Variants in ESRRB observed in about 807,000 individuals in gnomAD.
ESRRB encodes the protein steroid hormone receptor ERR2.
In ESRRB, 16 loss-of-function variants were observed where a neutral mutation model predicts 46.0. That is an observed-to-expected ratio of 0.35 (90% CI 0.24 to 0.53). ESRRB has a LOEUF of 0.53. Ranked by LOEUF, ESRRB falls within the 20% of genes least tolerant of loss-of-function variation. The probability of loss-of-function intolerance (pLI) is 0.93; values close to 1 mark genes in which losing one functional copy is unlikely to be tolerated. For synonymous variants in ESRRB, 246 were observed against 259.6 expected, an observed-to-expected ratio of 0.95 and a Z score of 0.50; for missense variants, 488 against 607.4, an observed-to-expected ratio of 0.80 and a Z score of 2.07.
intron 2 of ESRRB, among the ~76,000 whole-genome samples, chr14:76,443,801 G>A (rs1888018078): frequency 6.6e-6 from 1 of 152,212 alleles, no homozygotes; most frequent in African/African-American, 2.4e-5. Context: ...GAGTCCACAT[G>A]AAAGATTCGT....
Position 76,347,414 on chromosome 14 carries a change from A to AGTGT in ESRRB, c.2+36515_2+36518dup, listed in dbSNP as rs34971102. On this transcript the variant is annotated intron_variant, in intron 1 of 6. Transcript: ENST00000512784. ...AAATGGGGACAGTATTTGCTCATGA[A>AGTGT]GTGTGTGTGTGTGTGTGTGTCACAC... Among the ~76,000 whole-genome samples the AGTGT allele has an allele frequency of 8.0e-3, 767 of 96,200 alleles. 169 individuals are homozygous for AGTGT. Among genetic ancestry groups the AGTGT allele is most frequent in the African/African-American group, 0.019 (539 of 28,034 alleles). The allele number at this position is 96,200 out of a possible 152,430, so 63.1% of individuals were successfully genotyped here. A position where few individuals can be genotyped will look rare whatever the true frequency, so the allele number is the denominator to read the frequency against.
intron 1 of ESRRB, among the ~76,000 whole-genome samples, chr14:76,326,273 TGTCCCA>T (rs1464279157): frequency 6.6e-6 from 1 of 152,198 alleles, no homozygotes; most frequent in African/African-American, 2.4e-5. Context: ...GATGCAATGA[TGTCCCA>T]GTGCTGAAGT....
At chr14:76,403,727 A>G (rs1466128187) in intron 1 of ESRRB, among the ~76,000 whole-genome samples, 2 of 149,690 alleles carry the variant, frequency 1.3e-5, no homozygotes, top group Admixed American at 6.7e-5. Context: ...GCTGAGCAGG[A>G]CCATCTTTTT....
chr14:76,411,492 C>T (rs530690031), intron 1 of ESRRB, among the ~76,000 whole-genome samples: 4 of 152,114 alleles, frequency 2.6e-5, no homozygotes, highest in Non-Finnish European at 4.4e-5. Context: ...ATCTTTACTA[C>T]GGTCTCCTTC....
At chr14:76,319,559 C>G (rs1370469082) in intron 1 of ESRRB, among the ~76,000 whole-genome samples, 1 of 152,160 alleles carries the variant, frequency 6.6e-6, no homozygotes, top group Non-Finnish European at 1.5e-5. Flanking sequence ...CTAGGGCACT[C>G]AATTGAGAAC....
chr14:76,340,102 T>G (rs1245139196), intron 1 of ESRRB, among the ~76,000 whole-genome samples: 1 of 151,914 alleles, frequency 6.6e-6, no homozygotes, highest in Non-Finnish European at 1.5e-5. Flanking sequence ...GGGGGCAGGG[T>G]GGGGAGCCCA....
At chr14:76,386,758 T>G (rs1885249004) in intron 1 of ESRRB, among the ~76,000 whole-genome samples, 1 of 152,174 alleles carries the variant, frequency 6.6e-6, no homozygotes, top group Non-Finnish European at 1.5e-5. Flanking sequence ...TATGAATGTG[T>G]TAGGCTGGCC....
chr14:76,378,310 G>A (rs994822684), intron 1 of ESRRB, among the ~76,000 whole-genome samples: 2 of 152,146 alleles, frequency 1.3e-5, no homozygotes, highest in African/African-American at 2.4e-5. Context: ...TTAACAGCTG[G>A]GTAATTCATC....
chr14:76,311,168 GAC>G (rs1249400960), intron 1 of ESRRB, among the ~76,000 whole-genome samples: 1 of 152,136 alleles, frequency 6.6e-6, no homozygotes, highest in East Asian at 1.9e-4. Flanking sequence ...GTGGGACGGT[GAC>G]ACAAACTCAT....
chr14:76,468,535 AAG>A (rs1889225196), intron 3 of ESRRB, among the ~76,000 whole-genome samples: 3 of 151,642 alleles, frequency 2.0e-5, no homozygotes, highest in Non-Finnish European at 4.4e-5. Context: ...AATGAAGACG[AAG>A]GAGATGATCT....
chr14:76,461,157 G>A (rs1888841815), intron 2 of ESRRB, among the ~76,000 whole-genome samples: 1 of 152,174 alleles, frequency 6.6e-6, no homozygotes, highest in African/African-American at 2.4e-5. Flanking sequence ...AGCCTCTCCT[G>A]ACTGGACTGT....
intron 2 of ESRRB, among the ~76,000 whole-genome samples, chr14:76,450,529 C>T (rs1888342656): frequency 6.6e-6 from 1 of 152,096 alleles, no homozygotes; most frequent in African/African-American, 2.4e-5. Context: ...GTCTTTTGAG[C>T]AATTCCTGGG....
chr14:76,360,850 T>C (rs1306367373), intron 1 of ESRRB, among the ~76,000 whole-genome samples: 3 of 152,152 alleles, frequency 2.0e-5, no homozygotes, highest in African/African-American at 4.8e-5. Flanking sequence ...CCTTTCTGGG[T>C]TGTTCCATCC....
chr14:76,468,439 C>T (rs57360054), intron 3 of ESRRB, among the ~76,000 whole-genome samples: 11,730 of 140,212 alleles, frequency 0.084, 581 homozygotes, highest in East Asian at 0.21. Flanking sequence ...ACACACATAC[C>T]TGACAGCTCA....
chr14:76,377,383 C>T (rs1341962641), intron 1 of ESRRB, among the ~76,000 whole-genome samples: 1 of 152,202 alleles, frequency 6.6e-6, no homozygotes. Flanking sequence ...ACACCCTCCA[C>T]GGTCGCCGCT....
At chr14:76,313,669 A>C (rs1359649240) in intron 1 of ESRRB, among the ~76,000 whole-genome samples, 1 of 152,204 alleles carries the variant, frequency 6.6e-6, no homozygotes, top group Non-Finnish European at 1.5e-5. Flanking sequence ...CCATCAATTA[A>C]AATGGCAGCT....
At chr14:76,473,922 T>C (rs1010262265) in intron 3 of ESRRB, among the ~76,000 whole-genome samples, 2 of 152,196 alleles carry the variant, frequency 1.3e-5, no homozygotes, top group Admixed American at 1.3e-4. Flanking sequence ...TCTTTGCTAT[T>C]TTTTGTGCCC....
intron 5 of ESRRB, among the ~76,000 whole-genome samples, chr14:76,484,569 G>A (rs112068720): frequency 3.3e-5 from 5 of 152,264 alleles, no homozygotes; most frequent in East Asian, 1.9e-4. Flanking sequence ...CACGAGTGGC[G>A]CCTGGTGGTC....
intron 1 of ESRRB, among the ~76,000 whole-genome samples, chr14:76,352,772 C>G (rs1203218499): frequency 6.6e-6 from 1 of 152,250 alleles, no homozygotes; most frequent in South Asian, 2.1e-4. Flanking sequence ...CCCGGTTGCT[C>G]TGAGCTAGCT....
Sources: gnomAD v4.1 joint callset for allele counts (sites outside exome capture counted in the v4.1 genomes callset) on GRCh38, gnomAD v4.1.1 for gene constraint, MANE v1.5 for transcripts, NCBI Gene and HGNC (gene_info 2026-07-23, HGNC 2026-07-21) for gene names.